FRMPD3: variants seen among roughly 807,000 people sequenced by gnomAD.
FRMPD3 encodes FERM and PDZ domain containing 3.
FRMPD3 carries 42 observed loss-of-function variants against 97.9 expected under a neutral mutation model. That is an observed-to-expected ratio of 0.43 (90% CI 0.34 to 0.55). The LOEUF (loss-of-function observed/expected upper bound fraction) is 0.55. Ranked by LOEUF, FRMPD3 falls within the 20% of genes least tolerant of loss-of-function variation. FRMPD3 has a pLI of 0.03. For synonymous variants in FRMPD3, 577 were observed against 581.1 expected, an observed-to-expected ratio of 0.99 and a Z score of 0.10; for missense variants, 1,303 against 1,457.7, an observed-to-expected ratio of 0.89 and a Z score of 1.73.
At chrX:107,464,688 T>C (rs1400382183) in intron 1 of FRMPD3, among the ~76,000 whole-genome samples, 1 of 111,585 alleles carries the variant, frequency 9.0e-6, no homozygotes, top group Non-Finnish European at 1.9e-5. Context: ...TTCTCAACTT[T>C]GCAGAGTTCT....
chrX:107,538,488 A>G (rs1921107718), intron 4 of FRMPD3, among the ~76,000 whole-genome samples: 1 of 102,515 alleles, frequency 9.8e-6, no homozygotes, highest in Non-Finnish European at 2.0e-5. Context: ...CACTACTTCC[A>G]GAAGACAACC....
intron 14 of FRMPD3, among the ~76,000 whole-genome samples, chrX:107,598,945 A>G (rs1024451843): frequency 1.8e-5 from 2 of 111,866 alleles, no homozygotes; most frequent in Admixed American, 1.9e-4. Flanking sequence ...ACCCATAGTC[A>G]CACATATGTC....
At chrX:107,452,118 G>A (rs895968951) in intron 1 of FRMPD3, among the ~76,000 whole-genome samples, 78 of 112,238 alleles carry the variant, frequency 6.9e-4, no homozygotes, top group African/African-American at 2.3e-3. Flanking sequence ...ACACAGAGGA[G>A]TGACTCTGTT....
At chrX:107,543,582 G>A (rs1375798349) in intron 4 of FRMPD3, among the ~76,000 whole-genome samples, 1 of 110,719 alleles carries the variant, frequency 9.0e-6, no homozygotes, top group Non-Finnish European at 1.9e-5. Context: ...TTGGGAGGCC[G>A]AAGTGGGTGG....
In FRMPD3 at chrX:107,604,126, G is replaced by A. The variant is rs1339175582; in HGVS notation, c.*753G>A. On this transcript the variant is annotated 3_prime_UTR_variant, in exon 15 of 15. Coordinates refer to ENST00000683843, the MANE Select transcript of FRMPD3 (RefSeq NM_001388459.1). ...TTTGGGTAAGGTACCTGATGAAAACGTCTGCCTGGGGAGACCCAGTGCAGG... is the reference window on the plus strand; with the variant it reads ...TTTGGGTAAGGTACCTGATGAAAACATCTGCCTGGGGAGACCCAGTGCAGG... 1 of 108,651 alleles carries A rather than the reference G, an allele frequency of 9.2e-6. No individual in the cohort carries two copies. The highest frequency in any genetic ancestry group is 9.7e-5 in the Admixed American group (1 of 10,306). The allele number at this position is 108,651 out of a possible 1,213,427, so 9.0% of individuals were successfully genotyped here. A position where few individuals can be genotyped will look rare whatever the true frequency, so the allele number is the denominator to read the frequency against.
intron 1 of FRMPD3, among the ~76,000 whole-genome samples, chrX:107,453,049 C>A (rs1268889276): frequency 9.0e-6 from 1 of 110,857 alleles, no homozygotes; most frequent in African/African-American, 3.3e-5. Context: ...TGTACCCACC[C>A]TCCCCCACTA....
At chrX:107,581,882 C>T (rs1923407158) in intron 13 of FRMPD3, among the ~76,000 whole-genome samples, 1 of 112,072 alleles carries the variant, frequency 8.9e-6, no homozygotes, top group South Asian at 3.7e-4. Context: ...GGATATACCA[C>T]ATTCCTTTAT....
intron 13 of FRMPD3, among the ~76,000 whole-genome samples, chrX:107,591,559 G>C (rs937407944): frequency 8.9e-6 from 1 of 112,315 alleles, no homozygotes; most frequent in African/African-American, 3.2e-5. Context: ...TGTATGGTCA[G>C]TAGTGATATT....
At chrX:107,522,456 A>C (rs1328421440) in intron 1 of FRMPD3, 10 of 556,014 alleles carry the variant, frequency 1.8e-5, no homozygotes, top group Non-Finnish European at 3.2e-5. Flanking sequence ...TGCAATGGAG[A>C]CTCTGGATAG....
At chrX:107,461,839 G>C (rs1362467917) in intron 1 of FRMPD3, among the ~76,000 whole-genome samples, 1 of 107,965 alleles carries the variant, frequency 9.3e-6, no homozygotes, top group Non-Finnish European at 1.9e-5. Flanking sequence ...CTGTGTGTCT[G>C]TCTGTGTGTA....
intron 1 of FRMPD3, among the ~76,000 whole-genome samples, chrX:107,515,125 G>A (rs1212699763): frequency 9.0e-6 from 1 of 111,656 alleles, no homozygotes; most frequent in Admixed American, 9.5e-5. Flanking sequence ...GGTGTGGTTA[G>A]AATGCAAATT....
rs1331716556 is a variant in FRMPD3 at position 107,449,792 on chromosome X, C to T, written c.-221C>T. Among the ~76,000 whole-genome samples, 1 of 108,435 alleles carries T rather than the reference C, an allele frequency of 9.2e-6. No homozygotes were observed. The highest frequency in any genetic ancestry group is 3.3e-5 in the African/African-American group (1 of 30,129). 94.2% of individuals were successfully genotyped at this position (108,435 alleles called of 115,157 possible). A position where few individuals can be genotyped will look rare whatever the true frequency, so the allele number is the denominator to read the frequency against. ...CGCCTGCGCGCCAGCTCCCCGCGTCCCGGGCCAGCTGCTGCCGCCCTGCCA... is the reference window on the plus strand; with the variant it reads ...CGCCTGCGCGCCAGCTCCCCGCGTCTCGGGCCAGCTGCTGCCGCCCTGCCA... On this transcript the variant is annotated 5_prime_UTR_variant, in exon 1 of 15. Transcript: ENST00000683843.
Position 107,601,104 on chromosome X carries a change from C to T in FRMPD3, c.3065C>T (p.Ser1022Phe). The part of the protein sequence containing the change: ...SPSAPETSWN[S>F]QHQLGAEVSS... ...AGTGCTCCAGAGACCTCATGGAATT[C>T]TCAACATCAGCTGGGTGCAGAGGTC... Residue 1022 changes from serine to phenylalanine, a missense_variant, in exon 15 of 15, where the codon TCT becomes TTT. Around this residue, in one of 3 missense-constraint regions of FRMPD3, gnomAD observed 764 missense variants for 820.2 expected, o/e 0.93. Transcript: ENST00000683843. The T allele has an allele frequency of 8.3e-7, 1 of 1,210,150 alleles. No homozygotes were observed. The highest frequency in any genetic ancestry group is 1.8e-5 in the South Asian group (1 of 56,798).
intron 1 of FRMPD3, among the ~76,000 whole-genome samples, chrX:107,523,699 G>A (rs1922585125): frequency 8.9e-6 from 1 of 112,583 alleles, no homozygotes; most frequent in African/African-American, 3.2e-5. Context: ...GTCCCCCAGA[G>A]TGCTGGACTG....
chrX:107,531,879 C>A (rs191099312), intron 3 of FRMPD3, among the ~76,000 whole-genome samples: 4 of 111,728 alleles, frequency 3.6e-5, no homozygotes, highest in African/African-American at 1.3e-4. Flanking sequence ...TGAGGGGTTC[C>A]AGAGCTCCTT....
In FRMPD3 at chrX:107,486,778, G is replaced by A. The variant is rs140568589; in HGVS notation, c.-8+36773G>A. On this transcript the variant is annotated intron_variant, in intron 1 of 14. Transcript: ENST00000683843. ...TGAAATCTCTATTCCTTAAGAGGAT[G>A]TGGTCATCTTGTGTTTTGACAGAGA... is the stretch of plus-strand genomic sequence containing the variant. Among the ~76,000 whole-genome samples, 3 of 111,928 alleles carry A rather than the reference G, an allele frequency of 2.7e-5. No individual in the cohort carries two copies. The East Asian group carries it at 8.3e-4, about 31-fold the overall frequency.
At chrX:107,509,508 C>G (rs1353132335) in intron 1 of FRMPD3, among the ~76,000 whole-genome samples, 1 of 112,138 alleles carries the variant, frequency 8.9e-6, no homozygotes, top group East Asian at 2.8e-4. Context: ...GGTAGCATTA[C>G]TCCTTGAATT....
intron 4 of FRMPD3, among the ~76,000 whole-genome samples, chrX:107,538,683 T>G (rs1921131996): frequency 9.0e-6 from 1 of 111,004 alleles, no homozygotes; most frequent in Non-Finnish European, 1.9e-5. Flanking sequence ...TTTATATATA[T>G]AGAGTCTCAC....
Position 107,603,220 on chromosome X carries a change from G to GCAA in FRMPD3, c.5190_5192dup (p.Gln1743dup). On this transcript the variant is annotated inframe_insertion, in exon 15 of 15. Coordinates refer to ENST00000683843, the MANE Select transcript of FRMPD3 (RefSeq NM_001388459.1). ...AGCAGCAACAACAACAGCAGCAGCA[G>GCAA]CAACAACAACAGCAGCAGCAACAAC... The GCAA allele has an allele frequency of 1.7e-6, 2 of 1,169,349 alleles. No individual in the cohort carries two copies. Among genetic ancestry groups the GCAA allele is most frequent in the Non-Finnish European group, 1.1e-6 (1 of 873,762 alleles).
Sources: gnomAD v4.1 joint callset for allele counts (sites outside exome capture counted in the v4.1 genomes callset) on GRCh38, gnomAD v4.1.1 for gene constraint, gnomAD v4.1.1 regional missense constraint, MANE v1.5 for transcripts, NCBI Gene and HGNC (gene_info 2026-07-23, HGNC 2026-07-21) for gene names.